The following DNAH6 variants were observed in gnomAD, a reference collection of about 807,000 sequenced individuals.
The protein encoded by DNAH6 is dynein axonemal heavy chain 6, also known as axonemal beta dynein heavy chain 6.
DNAH6 carries 340 observed loss-of-function variants against 491.4 expected under a neutral mutation model. The ratio of observed to expected loss-of-function variants is 0.69; its 90% CI spans 0.63 to 0.76. The LOEUF (loss-of-function observed/expected upper bound fraction) is 0.76. DNAH6 is among the 30% of genes least tolerant of loss of function. DNAH6 has a pLI of 0.00. For synonymous variants in DNAH6, 1,603 were observed against 1,686.1 expected (o/e 0.95, Z 1.21); for missense variants, 4,443 against 4,972.2 (o/e 0.89, Z 3.20).
chr2:84,761,789 TACACACAC>T (rs35707461), intron 63 of DNAH6, among the ~76,000 whole-genome samples: 3 of 141,878 alleles, frequency 2.1e-5, no homozygotes, highest in African/African-American at 5.2e-5. Context: ...CACACACACA[TACACACAC>T]ACACACACAC....
intron 68 of DNAH6, among the ~76,000 whole-genome samples, chr2:84,795,475 A>C (rs1678256062): frequency 6.9e-6 from 1 of 145,236 alleles, no homozygotes. Context: ...AACTAATTAT[A>C]AAACAAAACA....
chr2:84,555,280 A>C (rs949023665), intron 10 of DNAH6, among the ~76,000 whole-genome samples: 1 of 152,132 alleles, frequency 6.6e-6, no homozygotes, highest in Non-Finnish European at 1.5e-5. Flanking sequence ...TTTGAATTCT[A>C]ATATTTCTTG....
At position 84,634,722 on chromosome 2, in the gene DNAH6, G is replaced by A. The variant is rs955238577; in HGVS notation, c.4653+81G>A. 3 of 1,386,506 alleles carry A rather than the reference G, an allele frequency of 2.2e-6. No individual in the cohort carries two copies. The East Asian group carries it at 8.5e-5, about 39-fold the overall frequency. The allele number at this position is 1,386,506 out of a possible 1,614,324, so 85.9% of individuals were successfully genotyped here. On this transcript the variant is annotated intron_variant, in intron 30 of 76. Coordinates refer to ENST00000389394, the MANE Select transcript of DNAH6 (RefSeq NM_001370.2). ...TCACAGAATGTTACATTTTAGGAAGGAGATGCTAAAAATGTTAGGGAGGAA... is the reference window on the plus strand; with the variant it reads ...TCACAGAATGTTACATTTTAGGAAGAAGATGCTAAAAATGTTAGGGAGGAA...
At chr2:84,541,077 T>A (rs1015032274) in intron 4 of DNAH6, among the ~76,000 whole-genome samples, 1 of 152,176 alleles carries the variant, frequency 6.6e-6, no homozygotes, top group East Asian at 1.9e-4. Context: ...AAGGCCTTAG[T>A]GGAACAAACA....
chr2:84,755,302 A>G (rs572105677), intron 63 of DNAH6, among the ~76,000 whole-genome samples: 1 of 152,290 alleles, frequency 6.6e-6, no homozygotes, highest in South Asian at 2.1e-4. Context: ...GCCCTGCACC[A>G]TGGAATGAGA....
intron 61 of DNAH6, among the ~76,000 whole-genome samples, chr2:84,732,855 T>G (rs1699234547): frequency 6.6e-6 from 1 of 152,264 alleles, no homozygotes. Context: ...AAGAACTAGT[T>G]TCAGTCTTAC....
At position 84,531,502 on chromosome 2, in the gene DNAH6, T is replaced by C. The variant is rs1312027026; in HGVS notation, c.662+2336T>C. The stretch of plus-strand genomic sequence containing the variant: ...AGTAGCTGGGACTACAGGCGCCCGC[T>C]ACCACGCCCGGCTAATTTTTTGTAT... On this transcript the variant is annotated intron_variant, in intron 4 of 76. Transcript: ENST00000389394. 1.3e-3 allele frequency among the ~76,000 whole-genome samples: 24 copies of C among 19,112 alleles called. 11 individuals are homozygous for C. Among genetic ancestry groups the C allele is most frequent in the Admixed American group, 3.3e-3 (4 of 1,230 alleles). The allele number at this position is 19,112 out of a possible 152,430, so 12.5% of individuals were successfully genotyped here.
At chr2:84,657,180 A>T (rs1236087067) in intron 35 of DNAH6, among the ~76,000 whole-genome samples, 1 of 152,032 alleles carries the variant, frequency 6.6e-6, no homozygotes, top group Non-Finnish European at 1.5e-5. Flanking sequence ...ATTCTGTTCC[A>T]TTGATCTACT....
chr2:84,786,101 A>T (rs922833842), intron 67 of DNAH6, among the ~76,000 whole-genome samples: 30 of 150,366 alleles, frequency 2.0e-4, no homozygotes, highest in East Asian at 1.4e-3. Flanking sequence ...AGAGAAAGAA[A>T]GAATGAATGA....
Position 84,707,585 on chromosome 2 carries a change from G to C in DNAH6, c.8917G>C (p.Asp2973His). The C allele has an allele frequency of 6.4e-7, 1 of 1,552,114 alleles. No homozygotes were observed. Among genetic ancestry groups the C allele is most frequent in the Non-Finnish European group, 8.7e-7 (1 of 1,147,066 alleles). Residue 2973 changes from aspartate to histidine, a missense_variant, in exon 54 of 77, where the codon GAT becomes CAT. Asp to His is a moderately conservative substitution (Grantham distance 81, BLOSUM62 -1). This residue lies in a region of DNAH6 where 1,463 missense variants were observed against 1,656.6 expected (regional missense o/e 0.88). Transcript: ENST00000389394. ...RAGKLTAALE[D>H]EQVRWEESIQ... ...TGGAAAGCTGACAGCAGCATTAGAA[G>C]ATGAGCAGGTTCGATGGGAAGAAAG...
At chr2:84,800,796 T>G (rs1352900415) in intron 70 of DNAH6, among the ~76,000 whole-genome samples, 1 of 152,014 alleles carries the variant, frequency 6.6e-6, no homozygotes, top group East Asian at 1.9e-4. Context: ...TATCATTCCT[T>G]GGAGAGAAAA....
chr2:84,658,338 A>C lies in DNAH6; in HGVS notation c.5804A>C (p.Tyr1935Ser). The change falls in exon 36 of 77, where the codon TAT (tyrosine) becomes TCT (serine). Residue 1935 changes from tyrosine to serine, a missense_variant. Tyr to Ser is a moderately radical substitution (Grantham distance 144). Coordinates refer to ENST00000389394, the MANE Select transcript of DNAH6 (RefSeq NM_001370.2). ...TATATATTGAATCTTTTCCAACGTT[A>C]TGTTGATGAAGGTTTACATTTTATC... ...QEYILNLFQR[Y>S]VDEGLHFINK... is the part of the protein sequence containing the mutation. 3.2e-6 allele frequency: 5 copies of C among 1,544,678 alleles called. No individual in the cohort carries two copies. Among genetic ancestry groups the C allele is most frequent in the African/African-American group, 1.4e-5 (1 of 72,812 alleles).
chr2:84,464,358 G>T, the DNAH6 span, among the ~76,000 whole-genome samples: 2 of 152,186 alleles, frequency 1.3e-5, no homozygotes, highest in South Asian at 2.1e-4. Flanking sequence ...CACTCTTGCT[G>T]TCTTGCTCTG....
intron 57 of DNAH6, among the ~76,000 whole-genome samples, chr2:84,714,280 G>C (rs576587386): frequency 6.6e-6 from 1 of 152,270 alleles, no homozygotes; most frequent in African/African-American, 2.4e-5. Flanking sequence ...ATGTGTTCAG[G>C]TTGAATGAAA....
intron 59 of DNAH6, among the ~76,000 whole-genome samples, chr2:84,722,237 A>G (rs1698230855): frequency 6.6e-6 from 1 of 152,166 alleles, no homozygotes; most frequent in Admixed American, 6.5e-5. Context: ...CTTCCTGGGT[A>G]TCCCTTCTCC....
chr2:84,472,927 A>G, the DNAH6 span, among the ~76,000 whole-genome samples: 3 of 152,234 alleles, frequency 2.0e-5, no homozygotes, highest in Non-Finnish European at 4.4e-5. Flanking sequence ...CTTGCACTAC[A>G]TAGGCTGAAT....
At chr2:84,592,434 A>G (rs142786311) in intron 16 of DNAH6, among the ~76,000 whole-genome samples, 80 of 152,294 alleles carry the variant, frequency 5.3e-4, no homozygotes, top group Middle Eastern at 6.8e-3. Flanking sequence ...TACAAAAATA[A>G]AATGAATTAC....
intron 33 of DNAH6, among the ~76,000 whole-genome samples, chr2:84,644,746 C>T (rs1040226371): frequency 2.0e-5 from 3 of 152,192 alleles, no homozygotes; most frequent in Non-Finnish European, 4.4e-5. Flanking sequence ...CCAGCTCCAT[C>T]CACGTTCCTG....
At chr2:84,602,294 T>C (rs1316703168) in intron 18 of DNAH6, among the ~76,000 whole-genome samples, 1 of 152,050 alleles carries the variant, frequency 6.6e-6, no homozygotes, top group Admixed American at 6.6e-5. Context: ...TCCTCGGTTT[T>C]TATTTTGAGG....
Sources: gnomAD v4.1 joint callset for allele counts (sites outside exome capture counted in the v4.1 genomes callset) on GRCh38, gnomAD v4.1.1 for gene constraint, gnomAD v4.1.1 regional missense constraint, MANE v1.5 for transcripts, NCBI Gene and HGNC (gene_info 2026-07-23, HGNC 2026-07-21) for gene names.